The following PDE3A variants were observed in gnomAD, a reference collection of about 807,000 sequenced individuals.
The protein encoded by PDE3A is cGMP-inhibited 3',5'-cyclic phosphodiesterase 3A.
A neutral mutation model predicts 98.3 loss-of-function variants in PDE3A; 43 were observed. That is an observed-to-expected ratio of 0.44 (90% confidence interval 0.34 to 0.56). The LOEUF is 0.56. Ranked by LOEUF, PDE3A falls within the 20% of genes least tolerant of loss-of-function variation. The pLI is 0.01. For missense variants in PDE3A, 1,427 were observed against 1,440.7 expected (o/e 0.99, Z 0.15); for synonymous variants, 663 against 567.9 (o/e 1.17, Z -2.38).
intron 1 of PDE3A, among the ~76,000 whole-genome samples, chr12:20,424,871 T>C (rs12811752): frequency 0.34 from 51,642 of 152,076 alleles, 10,367 homozygotes; most frequent in East Asian, 0.6. Context: ...TTTCGTTCAT[T>C]GTAACACCCA....
At chr12:20,508,229 G>T (rs989898261) in intron 1 of PDE3A, among the ~76,000 whole-genome samples, 6 of 151,750 alleles carry the variant, frequency 4.0e-5, no homozygotes, top group African/African-American at 1.5e-4. Flanking sequence ...TCAAGTTTTT[G>T]ATTAAATGCA....
intron 14 of PDE3A, among the ~76,000 whole-genome samples, chr12:20,653,200 G>A (rs1368724708): frequency 6.6e-6 from 1 of 151,942 alleles, no homozygotes; most frequent in Non-Finnish European, 1.5e-5. Context: ...AGATAAATAA[G>A]AATATCAGAA....
At chr12:20,639,325 G>C (rs1193266308) in intron 9 of PDE3A, among the ~76,000 whole-genome samples, 2 of 152,048 alleles carry the variant, frequency 1.3e-5, no homozygotes, top group Admixed American at 6.6e-5. Flanking sequence ...TTCCAATCAT[G>C]TTCCAAAAAC....
rs1946023054 is a variant in PDE3A at position 20,687,945 on chromosome 12, T to A, written c.*7674T>A. Reference sequence around the variant, plus strand: ...AAAAAAAAAAAAAAAAAACTGGCATTGGCAAGTTTTAATTAATATGGCCCA... The same window carrying A: ...AAAAAAAAAAAAAAAAAACTGGCATAGGCAAGTTTTAATTAATATGGCCCA... On this transcript the variant is annotated 3_prime_UTR_variant, in exon 16 of 16. Transcript: ENST00000359062. Among the ~76,000 whole-genome samples the A allele has an allele frequency of 7.2e-6, 1 of 139,658 alleles. No individual in the cohort carries two copies. 91.6% of individuals were successfully genotyped at this position (139,658 alleles called of 152,430 possible).
At chr12:20,442,532 A>G (rs965868377) in intron 1 of PDE3A, among the ~76,000 whole-genome samples, 7 of 152,322 alleles carry the variant, frequency 4.6e-5, no homozygotes, top group East Asian at 1.9e-4. Flanking sequence ...CTGACCTCGC[A>G]TGGCCTCACC....
rs1276866054 is a variant in PDE3A at position 20,686,959 on chromosome 12, A to G, written c.*6688A>G. 1.3e-5 allele frequency among the ~76,000 whole-genome samples: 2 copies of G among 152,130 alleles called. No individual in the cohort carries two copies. The highest frequency in any genetic ancestry group is 1.9e-4 in the East Asian group (1 of 5,196). On this transcript the variant is annotated 3_prime_UTR_variant, in exon 16 of 16. Transcript: ENST00000359062. ...AATTTAGTTACTCTGGAGTGAAATGACTTGTGGATACACTGTTCAACCATG... is the reference window on the plus strand; with the variant it reads ...AATTTAGTTACTCTGGAGTGAAATGGCTTGTGGATACACTGTTCAACCATG...
At chr12:20,537,930 C>G (rs1941791537) in intron 1 of PDE3A, among the ~76,000 whole-genome samples, 1 of 151,270 alleles carries the variant, frequency 6.6e-6, no homozygotes, top group East Asian at 1.9e-4. Context: ...ACTGAGACAT[C>G]CACAAGTTAT....
intron 1 of PDE3A, among the ~76,000 whole-genome samples, chr12:20,503,851 G>A (rs952477366): frequency 2.0e-5 from 3 of 152,050 alleles, no homozygotes; most frequent in Admixed American, 6.6e-5. Flanking sequence ...GCTTTCAAAT[G>A]TAACAGAATC....
chr12:20,548,559 C>G (rs1051414886), intron 1 of PDE3A, among the ~76,000 whole-genome samples: 3 of 152,010 alleles, frequency 2.0e-5, no homozygotes, highest in African/African-American at 7.2e-5. Flanking sequence ...ATGTTTCTAG[C>G]AACTTTATGT....
chr12:20,632,117 G>A (rs1304918003), intron 6 of PDE3A, among the ~76,000 whole-genome samples: 1 of 152,146 alleles, frequency 6.6e-6, no homozygotes, highest in African/African-American at 2.4e-5. Flanking sequence ...TAATAAACTC[G>A]ACTTCTCCTG....
chr12:20,532,851 G>A (rs1941644445), intron 1 of PDE3A, among the ~76,000 whole-genome samples: 2 of 152,142 alleles, frequency 1.3e-5, no homozygotes, highest in South Asian at 4.1e-4. Flanking sequence ...ACTACGCCCG[G>A]CTAACTTTTT....
At position 20,680,139 on chromosome 12, in the gene PDE3A, C is replaced by T. The variant is rs757570668; in HGVS notation, c.3294C>T (p.Gly1098=). 1.9e-6 allele frequency: 3 copies of T among 1,613,646 alleles called. No homozygotes were observed. Among genetic ancestry groups the T allele is most frequent in the Non-Finnish European group, 2.5e-6 (3 of 1,179,704 alleles). The stretch of plus-strand genomic sequence containing the variant: ...TTGAAGAGGAGCAACGGTTGGCAGG[C>T]ATAGAAAATCAATCCCTGGACCAGA... The part of the protein sequence containing the change: ...KVIEEEQRLA[G]IENQSLDQTP... The change falls in exon 16 of 16, where the codon GGC becomes GGT. Residue 1098 remains glycine (G), a synonymous_variant. Transcript: ENST00000359062.
At chr12:20,494,151 G>A (rs1945877133) in intron 1 of PDE3A, among the ~76,000 whole-genome samples, 1 of 152,148 alleles carries the variant, frequency 6.6e-6, no homozygotes, top group South Asian at 2.1e-4. Flanking sequence ...TCTTCAGGCC[G>A]CTCTCTGATG....
chr12:20,410,514 G>A (rs1335189934), intron 1 of PDE3A, among the ~76,000 whole-genome samples: 3 of 152,152 alleles, frequency 2.0e-5, no homozygotes, highest in Non-Finnish European at 2.9e-5. Flanking sequence ...AAGCTACACC[G>A]TGATCCTGCC....
At chr12:20,543,612 C>T (rs1941979350) in intron 1 of PDE3A, among the ~76,000 whole-genome samples, 2 of 152,008 alleles carry the variant, frequency 1.3e-5, no homozygotes, top group Non-Finnish European at 1.5e-5. Flanking sequence ...CTGAGTAATG[C>T]TGCATGAAGT....
intron 2 of PDE3A, among the ~76,000 whole-genome samples, chr12:20,612,043 T>A (rs1011571705): frequency 6.6e-6 from 1 of 151,952 alleles, no homozygotes; most frequent in African/African-American, 2.4e-5. Context: ...TGCTGGATCA[T>A]AGAATATATA....
intron 1 of PDE3A, among the ~76,000 whole-genome samples, chr12:20,433,549 C>T (rs1944732092): frequency 6.6e-6 from 1 of 152,054 alleles, no homozygotes; most frequent in African/African-American, 2.4e-5. Flanking sequence ...CTCAAGGAAG[C>T]TGTGTATTTC....
chr12:20,674,123 A>AT (rs1362188839), intron 15 of PDE3A, among the ~76,000 whole-genome samples: 2 of 152,158 alleles, frequency 1.3e-5, no homozygotes, highest in African/African-American at 4.8e-5. Flanking sequence ...CTAGTTCATC[A>AT]TTGGTATATA....
intron 2 of PDE3A, among the ~76,000 whole-genome samples, chr12:20,580,285 G>A (rs1018576754): frequency 6.6e-6 from 1 of 151,998 alleles, no homozygotes; most frequent in African/African-American, 2.4e-5. Flanking sequence ...CAAAAGACAT[G>A]GCTCCTTACC....
Sources: allele counts gnomAD v4.1 joint callset (sites outside exome capture counted in the v4.1 genomes callset), GRCh38; gene constraint gnomAD v4.1.1; transcripts MANE v1.5; gene names NCBI Gene and HGNC (gene_info 2026-07-23, HGNC 2026-07-21).